The following KAZN variants were observed in gnomAD, a reference collection of about 807,000 sequenced individuals.
KAZN encodes the protein kazrin.
Under a neutral mutation model 87.4 loss-of-function variants are expected in KAZN, and 40 were observed. The observed-to-expected ratio is 0.46, with a 90% confidence interval of 0.36 to 0.60. The LOEUF (loss-of-function observed/expected upper bound fraction) is 0.60. KAZN is among the 20% of genes least tolerant of loss of function. The pLI is 0.00. For synonymous variants in KAZN, 466 were observed against 458.3 expected, an observed-to-expected ratio of 1.02 and a Z score of -0.22; for missense variants, 898 against 1,073.9, an observed-to-expected ratio of 0.84 and a Z score of 2.29.
At chr1:14,136,625 A>ACCCTGGTG (rs1645114830) in intron 1 of KAZN, among the ~76,000 whole-genome samples, 1 of 151,248 alleles carries the variant, frequency 6.6e-6, no homozygotes, top group Admixed American at 6.6e-5. Flanking sequence ...GGTGCACAGT[A>ACCCTGGTG]CCCTGGAAAG....
intron 1 of KAZN, among the ~76,000 whole-genome samples, chr1:13,895,802 G>A (rs568855587): frequency 5.9e-4 from 90 of 152,212 alleles, no homozygotes; most frequent in Admixed American, 5.3e-3. Flanking sequence ...TACTGTGCAC[G>A]GTGCCAGGAA....
chr1:14,573,584 T>C (rs1212953262), intron 2 of KAZN, among the ~76,000 whole-genome samples: 2 of 152,038 alleles, frequency 1.3e-5, no homozygotes, highest in Non-Finnish European at 2.9e-5. Context: ...GAGGCAGAGG[T>C]TGCAGTGAGC....
chr1:14,984,905 A>G (rs1666616907), intron 2 of KAZN, among the ~76,000 whole-genome samples: 1 of 152,198 alleles, frequency 6.6e-6, no homozygotes, highest in Admixed American at 6.5e-5. Flanking sequence ...TGGGAGGCCA[A>G]GGCGGGCAGA....
chr1:14,321,266 A>T (rs1314017461), intron 2 of KAZN, among the ~76,000 whole-genome samples: 1 of 152,142 alleles, frequency 6.6e-6, no homozygotes, highest in African/African-American at 2.4e-5. Context: ...TTGTCTTTTT[A>T]AAAACTCTAT....
chr1:15,051,282 G>A lies in KAZN; in HGVS notation c.727-4809G>A, dbSNP rs545883284. On this transcript the variant is annotated intron_variant, in intron 4 of 14. Coordinates refer to ENST00000376030, the MANE Select transcript of KAZN (RefSeq NM_201628.3). ...ATGTGATGGGTGCACTGTGGCCTCC[G>A]GATCAGCGGAACCTCAGGCCCTCCT... Among the ~76,000 whole-genome samples the A allele has an allele frequency of 2.6e-4, 40 of 152,338 alleles. 2 individuals are homozygous for A. Among genetic ancestry groups the A allele is most frequent in the East Asian group, 1.4e-3 (7 of 5,182 alleles).
chr1:14,978,134 C>G (rs1193039883), intron 2 of KAZN, among the ~76,000 whole-genome samples: 2 of 152,160 alleles, frequency 1.3e-5, no homozygotes, highest in African/African-American at 4.8e-5. Flanking sequence ...CACGTCCTCC[C>G]ATTCCCAGCT....
At chr1:14,570,433 C>A (rs995770645) in intron 2 of KAZN, among the ~76,000 whole-genome samples, 1 of 152,150 alleles carries the variant, frequency 6.6e-6, no homozygotes, top group Non-Finnish European at 1.5e-5. Context: ...CACCACTGAT[C>A]GACTTTCTGT....
In KAZN at chr1:14,242,126, G is replaced by A. The variant is rs149517981; in HGVS notation, c.249+61534G>A. ...ATTTTCCCTTGGCTGAAAGACTCAGGTTCTCTCTGAAGATATGTTATACTG... is the reference window on the plus strand; with the variant it reads ...ATTTTCCCTTGGCTGAAAGACTCAGATTCTCTCTGAAGATATGTTATACTG... On this transcript the variant is annotated intron_variant, in intron 2 of 16. Transcript: ENST00000636203. Among the ~76,000 whole-genome samples, 21 of 152,304 alleles carry A rather than the reference G, an allele frequency of 1.4e-4. No homozygotes were observed. The East Asian group carries it at 3.7e-3, about 27-fold the overall frequency.
intron 2 of KAZN, among the ~76,000 whole-genome samples, chr1:14,521,200 A>G (rs1671567416): frequency 6.6e-6 from 1 of 152,160 alleles, no homozygotes; most frequent in Non-Finnish European, 1.5e-5. Flanking sequence ...CAGGGGTCTG[A>G]TGATGCCCCC....
At chr1:14,394,620 G>A (rs1662738629) in intron 2 of KAZN, among the ~76,000 whole-genome samples, 1 of 152,144 alleles carries the variant, frequency 6.6e-6, no homozygotes, top group Non-Finnish European at 1.5e-5. Context: ...TTTAAACCCA[G>A]AGGTTAAGTA....
chr1:14,623,555 A>G (rs1678879811), intron 1 of KAZN, among the ~76,000 whole-genome samples: 1 of 152,214 alleles, frequency 6.6e-6, no homozygotes. Context: ...TACTCTAGAT[A>G]CTAAATGCTC....
At chr1:14,627,974 T>C (rs1207000304) in intron 1 of KAZN, among the ~76,000 whole-genome samples, 2 of 151,674 alleles carry the variant, frequency 1.3e-5, no homozygotes, top group East Asian at 3.9e-4. Flanking sequence ...AAGATGGATA[T>C]GGAACTCTCT....
intron 1 of KAZN, among the ~76,000 whole-genome samples, chr1:14,707,529 G>C (rs1375975972): frequency 1.3e-5 from 2 of 152,150 alleles, no homozygotes; most frequent in Non-Finnish European, 2.9e-5. Flanking sequence ...TGGTGGTGTG[G>C]CTCTTCCTTT....
chr1:14,006,358 T>C (rs1213062059), intron 1 of KAZN, among the ~76,000 whole-genome samples: 2 of 152,180 alleles, frequency 1.3e-5, no homozygotes, highest in Non-Finnish European at 2.9e-5. Flanking sequence ...CTTTTACTCA[T>C]GGCAGATGAC....
intron 2 of KAZN, among the ~76,000 whole-genome samples, chr1:15,016,342 A>G (rs1005710012): frequency 2.0e-5 from 3 of 152,118 alleles, no homozygotes; most frequent in East Asian, 1.9e-4. Context: ...CTGGAGTGCA[A>G]TGACGCGATC....
chr1:13,947,689 G>A (rs1193968084), intron 1 of KAZN, among the ~76,000 whole-genome samples: 2 of 152,166 alleles, frequency 1.3e-5, no homozygotes, highest in African/African-American at 2.4e-5. Flanking sequence ...CAGTTTTGGA[G>A]GCTGGAAGTC....
At chr1:14,188,534 T>G (rs993491306) in intron 2 of KAZN, among the ~76,000 whole-genome samples, 8 of 151,778 alleles carry the variant, frequency 5.3e-5, no homozygotes, top group African/African-American at 1.9e-4. Flanking sequence ...AAGGCTAGGG[T>G]AAGAGTTGTT....
chr1:14,374,295 A>C (rs1660727666), intron 2 of KAZN, among the ~76,000 whole-genome samples: 1 of 152,140 alleles, frequency 6.6e-6, no homozygotes, highest in African/African-American at 2.4e-5. Context: ...GGCAGGAGAG[A>C]GCTAATCTCA....
At chr1:14,788,364 G>A (rs1212247094) in intron 1 of KAZN, among the ~76,000 whole-genome samples, 1 of 152,212 alleles carries the variant, frequency 6.6e-6, no homozygotes, top group Admixed American at 6.5e-5. Context: ...ATAGGAGTAA[G>A]GCAGGGAAGA....
Sources: gnomAD v4.1 joint callset for allele counts (sites outside exome capture counted in the v4.1 genomes callset) on GRCh38, gnomAD v4.1.1 for gene constraint, MANE v1.5 for transcripts, NCBI Gene and HGNC (gene_info 2026-07-23, HGNC 2026-07-21) for gene names.